Variants in SMG7 observed in about 807,000 individuals in gnomAD.
SMG7 encodes the protein nonsense-mediated mRNA decay factor SMG7.
SMG7 carries 34 observed loss-of-function variants against 148.2 expected under a neutral mutation model. That is an observed-to-expected ratio of 0.23 (90% CI 0.17 to 0.31). The LOEUF (loss-of-function observed/expected upper bound fraction) is 0.31. SMG7 is among the 10% of genes least tolerant of loss of function. SMG7 has a pLI of 1.00. For synonymous variants in SMG7, 492 were observed against 515.1 expected (o/e 0.96, Z 0.61); for missense variants, 1,114 against 1,408.4 (o/e 0.79, Z 3.35).
rs1310220612 is a variant in SMG7, at chr1:183,527,960, A to G, written c.489A>G (p.Arg163=). 1.9e-6 allele frequency: 3 copies of G among 1,613,002 alleles called. No individual in the cohort carries two copies. The highest frequency in any genetic ancestry group is 1.6e-4 in the Middle Eastern group (1 of 6,078). ...HCLVHLGDIA[R]YRNQTSQAES... ...AACTAATTTTCTTCTTCTTAGCTCG[A>G]TACAGAAACCAGACCAGCCAGGCAG... Residue 163 remains arginine, a synonymous_variant, in exon 6 of 23, where the codon CGA becomes CGG. Transcript: ENST00000688051. The surrounding 1 kb of genome is among the most constrained non-coding windows in gnomAD (Gnocchi z 4.0).
Position 183,546,067 on chromosome 1 carries a change from C to T in SMG7, c.2472C>T (p.Thr824=), listed in dbSNP as rs746102198. The T allele has an allele frequency of 2.7e-5, 44 of 1,613,980 alleles. No individual in the cohort carries two copies. Among genetic ancestry groups the T allele is most frequent in the Non-Finnish European group, 3.7e-5 (44 of 1,179,948 alleles). Residue 824 remains threonine, a synonymous_variant, in exon 17 of 23, where the codon ACC becomes ACT. Transcript: ENST00000688051. ...MPVKQPYYLQ[T]QDPIKLFEPS... ...TGAAACAGCCCTACTACCTTCAGAC[C>T]CAAGACCCCATAAAACTGTTTGAGC...
chr1:183,540,001 A>C (rs1668509905), intron 12 of SMG7, among the ~76,000 whole-genome samples: 1 of 152,172 alleles, frequency 6.6e-6, no homozygotes. Flanking sequence ...CTTGATGCTC[A>C]AGTTCCAGCA....
In SMG7 at chr1:183,523,874, G is replaced by T. The variant is rs138472162; in HGVS notation, c.313-2722G>T. Reference sequence around the variant, plus strand: ...CCAGTCTGTTTTTTCATTACCTATTGAAGTCAGTTCTTTAACCCTCTCATG... The same window carrying T: ...CCAGTCTGTTTTTTCATTACCTATTTAAGTCAGTTCTTTAACCCTCTCATG... On this transcript the variant is annotated intron_variant, in intron 4 of 22. Coordinates refer to ENST00000688051, the MANE Select transcript of SMG7 (RefSeq NM_001375584.1). Among the ~76,000 whole-genome samples the T allele has an allele frequency of 4.6e-5, 7 of 151,462 alleles. No individual in the cohort carries two copies. In the East Asian group the frequency reaches 1.2e-3, roughly 25 times the overall value.
chr1:183,472,961 C>T (rs1446829733), intron 1 of SMG7: 4 of 347,512 alleles, frequency 1.2e-5, no homozygotes, highest in East Asian at 4.2e-5. Context: ...AGAGAAACGT[C>T]CGGGGAGGCG....
intron 4 of SMG7, 119 bp from the exon 5 acceptor site, chr1:183,526,477 A>T (rs1394503923): frequency 1.3e-5 from 8 of 636,822 alleles, no homozygotes; most frequent in Admixed American, 6.2e-5. Flanking sequence ...TATAATTTTC[A>T]TGCAGTTTTT....
chr1:183,528,909 T>C lies in SMG7; in HGVS notation c.574T>C (p.Leu192=). ...VPSNGQPYNQ[L]AILASSKGDH... is the part of the protein sequence containing the mutation. ...TCCTGTAGGTCAGCCTTATAATCAG[T>C]TGGCTATCTTAGCTTCTTCCAAAGG... Residue 192 remains leucine, a synonymous_variant, in exon 7 of 23, where the codon TTG becomes CTG. Transcript: ENST00000688051. 6.2e-7 allele frequency: 1 copy of C among 1,613,102 alleles called. No homozygotes were observed. Among genetic ancestry groups the C allele is most frequent in the Admixed American group, 1.7e-5 (1 of 59,880 alleles).
intron 4 of SMG7, among the ~76,000 whole-genome samples, chr1:183,521,728 G>A (rs534365444): frequency 3.3e-5 from 5 of 151,928 alleles, no homozygotes; most frequent in South Asian, 4.2e-4. Context: ...AACCAGGCAC[G>A]GTGGCGCACA....
At chr1:183,540,452 G>A (rs764708560) in intron 12 of SMG7, among the ~76,000 whole-genome samples, 23 of 151,176 alleles carry the variant, frequency 1.5e-4, no homozygotes, top group Non-Finnish European at 3.1e-4. Flanking sequence ...GGAGAAATCT[G>A]AAAAATCTTT....
In SMG7 at chr1:183,552,247, G is replaced by A; in HGVS notation, c.*316G>A. ...ATCGTGCATGTCCCCAGCCACATGGGAAGTGAAAGCTGAGAAGGGAAGGCA... is the reference window on the plus strand; with the variant it reads ...ATCGTGCATGTCCCCAGCCACATGGAAAGTGAAAGCTGAGAAGGGAAGGCA... On this transcript the variant is annotated 3_prime_UTR_variant, in exon 23 of 23. Transcript: ENST00000688051. The A allele has an allele frequency of 2.9e-6, 3 of 1,038,564 alleles. No individual in the cohort carries two copies. The highest frequency in any genetic ancestry group is 3.5e-6 in the Non-Finnish European group (3 of 864,752). The allele number at this position is 1,038,564 out of a possible 1,614,324, so 64.3% of individuals were successfully genotyped here.
rs41272542 is a variant in SMG7, at chr1:183,552,365, T to G, written c.*434T>G. On this transcript the variant is annotated 3_prime_UTR_variant, in exon 23 of 23. Coordinates refer to ENST00000688051, the MANE Select transcript of SMG7 (RefSeq NM_001375584.1). ...TAATGATTGCTTTGCTGACTGAGAA[T>G]GTAGTTGAAATTATTCTTAAACATC... 6,050 of 987,070 alleles carry G rather than the reference T, an allele frequency of 6.1e-3. 15 individuals carry two copies. The highest frequency in any genetic ancestry group is 6.8e-3 in the Non-Finnish European group (5,702 of 833,184). The allele number at this position is 987,070 out of a possible 1,614,324, so 61.1% of individuals were successfully genotyped here.
At position 183,490,441 on chromosome 1, in the gene SMG7, A is replaced by G. The variant is rs115620813; in HGVS notation, c.29+17792A>G. Among the ~76,000 whole-genome samples, 644 of 152,332 alleles carry G rather than the reference A, an allele frequency of 4.2e-3. 4 individuals are homozygous for G. The highest frequency in any genetic ancestry group is 7.1e-3 in the Non-Finnish European group (485 of 68,016). Reference sequence around the variant, plus strand: ...TGTGGACATTTTCTATGCAGAAAGCATTTTAAGTATAAAATATTTTAAAAT... The same window carrying G: ...TGTGGACATTTTCTATGCAGAAAGCGTTTTAAGTATAAAATATTTTAAAAT... On this transcript the variant is annotated intron_variant, in intron 1 of 22. Transcript: ENST00000688051.
At chr1:183,489,859 G>A (rs977624940) in intron 1 of SMG7, among the ~76,000 whole-genome samples, 4 of 152,216 alleles carry the variant, frequency 2.6e-5, no homozygotes, top group African/African-American at 7.2e-5. Context: ...GAGGGACTAG[G>A]AAAGACTGAG....
intron 13 of SMG7, among the ~76,000 whole-genome samples, chr1:183,541,653 C>G (rs1668886045): frequency 6.6e-6 from 1 of 152,144 alleles, no homozygotes; most frequent in Non-Finnish European, 1.5e-5. Flanking sequence ...CTAACTACTT[C>G]CTCATTTTTG....
rs758953179 is a variant in SMG7, at chr1:183,551,900, G to A, written c.3533G>A (p.Arg1178Gln). The A allele has an allele frequency of 4.3e-6, 7 of 1,613,628 alleles. No homozygotes were observed. The highest frequency in any genetic ancestry group is 4.5e-5 in the East Asian group (2 of 44,858). Residue 1178 changes from arginine (R) to glutamine (Q), a missense_variant, in exon 23 of 23, where the codon CGG (arginine) becomes CAG (glutamine). Transcript: ENST00000688051. ...ATGCAGCAGAAGCAGAAACAGCAAC[G>A]GGGACAAGGCACCATGAACCCTCCA... ...LLMQQKQKQQ[R>Q]GQGTMNPPH
intron 12 of SMG7, among the ~76,000 whole-genome samples, chr1:183,539,029 A>G (rs1249398926): frequency 2.0e-5 from 3 of 152,044 alleles, no homozygotes; most frequent in Non-Finnish European, 4.4e-5. Context: ...GGGTGCCTAT[A>G]GTCCCAGCTA....
At chr1:183,477,416 G>GTGTA (rs1006554594) in intron 1 of SMG7, among the ~76,000 whole-genome samples, 1 of 149,208 alleles carries the variant, frequency 6.7e-6, no homozygotes, top group Non-Finnish European at 1.5e-5. Flanking sequence ...GTGTGTGTGT[G>GTGTA]TGTATGTGTG....
In SMG7 at chr1:183,472,552, G is replaced by T; in HGVS notation, c.-69G>T. The T allele has an allele frequency of 7.4e-7, 1 of 1,345,582 alleles. No individual in the cohort carries two copies. 83.4% of individuals were successfully genotyped at this position (1,345,582 alleles called of 1,614,324 possible). A position where few individuals can be genotyped will look rare whatever the true frequency, so the allele number is the denominator to read the frequency against. ...CGGCCGCCAGCACCCGCGGTGCCGC[G>T]GGGCCGCTCCGAGGAGCCTGAGAGA... On this transcript the variant is annotated 5_prime_UTR_variant, in exon 1 of 23. Transcript: ENST00000688051.
intron 10 of SMG7, 69 bp downstream of exon 10, chr1:183,533,901 A>G: frequency 7.5e-7 from 1 of 1,338,786 alleles, no homozygotes; most frequent in Non-Finnish European, 1.0e-6. Context: ...ATATGTAAAA[A>G]CTGCCTTCTA....
At chr1:183,511,469 C>CTAT (rs751167012) in intron 1 of SMG7, among the ~76,000 whole-genome samples, 2 of 152,052 alleles carry the variant, frequency 1.3e-5, no homozygotes, top group Non-Finnish European at 2.9e-5. Flanking sequence ...CTAGCAGAGT[C>CTAT]TTTTATAAAG....
Sources: allele counts gnomAD v4.1 joint callset (sites outside exome capture counted in the v4.1 genomes callset), GRCh38; gene constraint gnomAD v4.1.1; non-coding constraint Gnocchi (gnomAD v3.1); transcripts MANE v1.5; gene names NCBI Gene and HGNC (gene_info 2026-07-23, HGNC 2026-07-21).